The following PRKCB variants were observed in gnomAD, a reference collection of about 807,000 sequenced individuals.
The protein encoded by PRKCB is protein kinase C beta type.
PRKCB carries 13 observed loss-of-function variants against 81.5 expected under a neutral mutation model. That is an observed-to-expected ratio of 0.16 (90% CI 0.10 to 0.25). PRKCB has a LOEUF of 0.25. Ranked by LOEUF, PRKCB falls within the 10% of genes least tolerant of loss-of-function variation. PRKCB has a pLI of 1.00. For synonymous variants in PRKCB, 335 were observed against 321.4 expected, an observed-to-expected ratio of 1.04 and a Z score of -0.45; for missense variants, 509 against 875.7, an observed-to-expected ratio of 0.58 and a Z score of 5.29.
At chr16:23,964,141 C>T (rs1328257589) in intron 2 of PRKCB, among the ~76,000 whole-genome samples, 3 of 152,222 alleles carry the variant, frequency 2.0e-5, no homozygotes, top group Admixed American at 2.0e-4. Context: ...AGAAAAAATT[C>T]AATTTATCAT....
At position 24,016,504 on chromosome 16, in the gene PRKCB, A is replaced by G. The variant is rs144764614; in HGVS notation, c.289-15632A>G. ...ACCAAGAAGACCCAAGAAAATAATC[A>G]AATACCCTTTGCCAAGAATGTCTGG... On this transcript the variant is annotated intron_variant, in intron 3 of 16. Transcript: ENST00000643927. Among the ~76,000 whole-genome samples, 5 of 152,278 alleles carry G rather than the reference A, an allele frequency of 3.3e-5. No individual in the cohort carries two copies. In the East Asian group the frequency reaches 9.6e-4, roughly 29 times the overall value.
At chr16:24,165,861 GA>G (rs1474682154) in intron 10 of PRKCB, among the ~76,000 whole-genome samples, 1 of 143,408 alleles carries the variant, frequency 7.0e-6, no homozygotes, top group Non-Finnish European at 1.5e-5. Context: ...ACTTAGTAAA[GA>G]TTTTTTTCTT....
intron 8 of PRKCB, among the ~76,000 whole-genome samples, chr16:24,115,654 T>A (rs964842404): frequency 1.2e-4 from 18 of 152,148 alleles, no homozygotes; most frequent in Non-Finnish European, 1.5e-5. Context: ...CCCAAGACTA[T>A]TTATCCCAAA....
chr16:24,151,838 T>C, intron 9 of PRKCB: 2 of 455,924 alleles, frequency 4.4e-6, no homozygotes, highest in Non-Finnish European at 8.8e-6. Flanking sequence ...CCTCAGTGTG[T>C]TTATCTACGA....
In PRKCB at chr16:24,030,338, G is replaced by A. The variant is rs181966913; in HGVS notation, c.289-1798G>A. 1.2e-3 allele frequency among the ~76,000 whole-genome samples: 177 copies of A among 152,268 alleles called. 1 individual carries two copies. Among genetic ancestry groups the A allele is most frequent in the African/African-American group, 4.1e-3 (169 of 41,542 alleles). On this transcript the variant is annotated intron_variant, in intron 3 of 16. Transcript: ENST00000643927. ...CAAAGGGCATGGTCTGTTTGGGAGC[G>A]GGGGTGCGCTCTGAGTGCTGAGAAT...
intron 5 of PRKCB, among the ~76,000 whole-genome samples, chr16:24,041,754 A>G (rs1030408441): frequency 6.6e-6 from 1 of 152,110 alleles, no homozygotes; most frequent in Non-Finnish European, 1.5e-5. Context: ...GCATTTTGGG[A>G]GGCTGAGGCG....
rs198177 is a variant in PRKCB at position 24,207,880 on chromosome 16, C to T, written c.1864-6778C>T. 4.8e-3 allele frequency among the ~76,000 whole-genome samples: 730 copies of T among 152,272 alleles called. 7 individuals carry two copies. Among genetic ancestry groups the T allele is most frequent in the Middle Eastern group, 0.02 (6 of 294 alleles). On this transcript the variant is annotated intron_variant, in intron 16 of 16. Coordinates refer to ENST00000643927, the MANE Select transcript of PRKCB (RefSeq NM_002738.7). Reference sequence around the variant, plus strand: ...CAGAGGAGGCAGCCTGTGCAAGGGCCTGGAGTCACCTCCAAGAGTTCATGA... The same window carrying T: ...CAGAGGAGGCAGCCTGTGCAAGGGCTTGGAGTCACCTCCAAGAGTTCATGA...
chr16:23,867,060 CTCTCTTTCTTTCTTTCTCTT>C (rs1962817112), intron 2 of PRKCB, among the ~76,000 whole-genome samples: 1 of 116,478 alleles, frequency 8.6e-6, no homozygotes, highest in South Asian at 3.8e-4. Context: ...TTCTCTCTCT[CTCTCTTTCTTTCTTTCTCTT>C]TCTTTCTTTC....
chr16:24,118,579 G>A (rs888463898), intron 8 of PRKCB, among the ~76,000 whole-genome samples: 3 of 152,268 alleles, frequency 2.0e-5, no homozygotes, highest in South Asian at 2.1e-4. Flanking sequence ...ATTCATCATC[G>A]GGAGTGGAGC....
At position 23,882,105 on chromosome 16, in the gene PRKCB, C is replaced by T. The variant is rs189131273; in HGVS notation, c.205+44699C>T. On this transcript the variant is annotated intron_variant, in intron 2 of 16. Coordinates refer to ENST00000643927, the MANE Select transcript of PRKCB (RefSeq NM_002738.7). Reference sequence around the variant, plus strand: ...TTTTTTTTTTTTTTTGACAGGGTCTCCCTGTTTCTCGCAGGCCAGGCTGGA... The same window carrying T: ...TTTTTTTTTTTTTTTGACAGGGTCTTCCTGTTTCTCGCAGGCCAGGCTGGA... Among the ~76,000 whole-genome samples the T allele has an allele frequency of 7.4e-4, 106 of 143,194 alleles. 1 individual carries two copies. Among genetic ancestry groups the T allele is most frequent in the Non-Finnish European group, 1.2e-3 (82 of 66,152 alleles). The allele number at this position is 143,194 out of a possible 152,430, so 93.9% of individuals were successfully genotyped here.
chr16:24,012,693 G>T (rs1408865644), intron 3 of PRKCB, among the ~76,000 whole-genome samples: 1 of 152,232 alleles, frequency 6.6e-6, no homozygotes, highest in Non-Finnish European at 1.5e-5. Flanking sequence ...AAACCAAATT[G>T]GTTTGTTCTG....
Position 23,915,639 on chromosome 16 carries a change from C to T in PRKCB, c.206-72869C>T, listed in dbSNP as rs533974513. ...CCCAGGAGGTGGAGGCTGCAGTGAG[C>T]TTTGATTGCACCACTGCATTCCAGC... On this transcript the variant is annotated intron_variant, in intron 2 of 16. Transcript: ENST00000643927. Among the ~76,000 whole-genome samples, 6 of 118,662 alleles carry T rather than the reference C, an allele frequency of 5.1e-5. No individual in the cohort carries two copies. In the East Asian group the frequency reaches 1.8e-3, roughly 36 times the overall value. 77.8% of individuals were successfully genotyped at this position (118,662 alleles called of 152,430 possible).
In PRKCB at chr16:24,160,200, T is replaced by G. The variant is rs1453028191; in HGVS notation, c.1239+5343T>G. On this transcript the variant is annotated intron_variant, in intron 10 of 16. Coordinates refer to ENST00000643927, the MANE Select transcript of PRKCB (RefSeq NM_002738.7). ...AATAGCCCTTTGGGTGTTTTTTTTT[T>G]TTTTTTTTTTTAATACTATGGAAGT... 2.7e-5 allele frequency among the ~76,000 whole-genome samples: 4 copies of G among 150,848 alleles called. 1 individual carries two copies. The highest frequency in any genetic ancestry group is 9.7e-5 in the African/African-American group (4 of 41,134).
At chr16:23,852,082 T>A (rs182747294) in intron 2 of PRKCB, among the ~76,000 whole-genome samples, 64 of 152,320 alleles carry the variant, frequency 4.2e-4, no homozygotes, top group African/African-American at 1.5e-3. Context: ...AGTTCACTTC[T>A]TCCCTTCCTA....
At chr16:23,926,572 A>T in intron 2 of PRKCB, among the ~76,000 whole-genome samples, 1 of 151,582 alleles carries the variant, frequency 6.6e-6, no homozygotes, top group Admixed American at 6.6e-5. Flanking sequence ...GTGTGTATGT[A>T]TATATAGATA....
At chr16:24,087,452 A>G (rs1163096231) in intron 5 of PRKCB, among the ~76,000 whole-genome samples, 5 of 152,192 alleles carry the variant, frequency 3.3e-5, no homozygotes, top group Admixed American at 2.0e-4. Flanking sequence ...TACTTTTATA[A>G]TTGCACACAT....
chr16:23,992,680 G>A (rs1483587055), intron 3 of PRKCB, among the ~76,000 whole-genome samples: 1 of 152,208 alleles, frequency 6.6e-6, no homozygotes, highest in Non-Finnish European at 1.5e-5. Flanking sequence ...CTTCTAGCCT[G>A]TAGTTGCAGG....
At chr16:24,185,847 GA>G (rs1967696456) in intron 15 of PRKCB, among the ~76,000 whole-genome samples, 1 of 152,230 alleles carries the variant, frequency 6.6e-6, no homozygotes, top group African/African-American at 2.4e-5. Context: ...CTTATTGAAT[GA>G]ATGAGGTAGA....
At chr16:23,954,648 C>T (rs1404168783) in intron 2 of PRKCB, among the ~76,000 whole-genome samples, 1 of 152,244 alleles carries the variant, frequency 6.6e-6, no homozygotes, top group Non-Finnish European at 1.5e-5. Context: ...TTCAGCTTAG[C>T]TGCACTGCCT....
Sources: gnomAD v4.1 joint callset for allele counts (sites outside exome capture counted in the v4.1 genomes callset) on GRCh38, gnomAD v4.1.1 for gene constraint, MANE v1.5 for transcripts, NCBI Gene and HGNC (gene_info 2026-07-23, HGNC 2026-07-21) for gene names.